The following MYBBP1A variants were observed in gnomAD, a reference collection of about 807,000 sequenced individuals.
MYBBP1A encodes MYB binding protein 1a.
A neutral mutation model predicts 136.3 loss-of-function variants in MYBBP1A; 147 were observed. That is an observed-to-expected ratio of 1.08 (90% confidence interval 0.94 to 1.24). The LOEUF is 1.24. Ranked by LOEUF, MYBBP1A falls within the 50% of genes most tolerant of loss-of-function variation. MYBBP1A has a pLI of 0.00. For missense variants in MYBBP1A, 2,060 were observed against 1,727.4 expected (o/e 1.19, Z -3.41); for synonymous variants, 947 against 735.8 (o/e 1.29, Z -4.65).
At chr17:4,550,379 G>A (rs761118814) in intron 8 of MYBBP1A, 26 bp from the exon 9 acceptor site, 5 of 1,588,962 alleles carry the variant, frequency 3.1e-6, no homozygotes, top group African/African-American at 1.3e-5. Context: ...ATGGCGCTGA[G>A]CCCACCAGCC....
In MYBBP1A at chr17:4,541,446, C is replaced by A; in HGVS notation, c.3297+17G>T. 8 of 1,608,942 alleles carry A rather than the reference C, an allele frequency of 5.0e-6. No individual in the cohort carries two copies. Among genetic ancestry groups the A allele is most frequent in the Non-Finnish European group, 6.8e-6 (8 of 1,177,960 alleles). On this transcript the variant is annotated intron_variant, in intron 24 of 25. Transcript: ENST00000254718. Reference sequence around the variant, plus strand: ...AGAGGAACCCGAACACGACCGCGGACTGGGCCCCCGCCTCACCTCATGTTT... The same window carrying A: ...AGAGGAACCCGAACACGACCGCGGAATGGGCCCCCGCCTCACCTCATGTTT...
In MYBBP1A at chr17:4,552,120, C is replaced by A; in HGVS notation, c.905+5G>T. On this transcript the variant is annotated splice_donor_5th_base_variant and intron_variant, in intron 7 of 25. Transcript: ENST00000254718. This position sits in a 1 kb window ranked among gnomAD's most constrained non-coding sequence, Gnocchi z 4.7. ...GGGCCGAGAGAGGACACGCGTCGCC[C>A]GCACCTGGCTGGCCAGAACTGCATC... 6.2e-7 allele frequency: 1 copy of A among 1,613,020 alleles called. No homozygotes were observed.
At position 4,548,392 on chromosome 17, in the gene MYBBP1A, C is replaced by G; in HGVS notation, c.1557-82G>C. 6.2e-7 allele frequency: 1 copy of G among 1,601,566 alleles called. No homozygotes were observed. The highest frequency in any genetic ancestry group is 8.5e-7 in the Non-Finnish European group (1 of 1,172,476). Reference sequence around the variant, plus strand: ...CCCTCCGCCCTCCCCAGGGCTCGGTCTCCCGCCTCTCCAGGACCTACTAGA... The same window carrying G: ...CCCTCCGCCCTCCCCAGGGCTCGGTGTCCCGCCTCTCCAGGACCTACTAGA... On this transcript the variant is annotated intron_variant, in intron 11 of 25. Coordinates refer to ENST00000254718, the MANE Select transcript of MYBBP1A (RefSeq NM_014520.4). This position sits in a 1 kb window ranked among gnomAD's most constrained non-coding sequence, Gnocchi z 4.2.
chr17:4,554,036 A>G lies in MYBBP1A; in HGVS notation c.436T>C (p.Ser146Pro), dbSNP rs1490224417. The G allele has an allele frequency of 6.2e-7, 1 of 1,614,018 alleles. No individual in the cohort carries two copies. Among genetic ancestry groups the G allele is most frequent in the Admixed American group, 1.7e-5 (1 of 60,016 alleles). ...GCTCTTACCTTCACCAGCCGACCTGACTGAAAGAGGGCGAGCACTCCAAAC... is the reference window on the plus strand; with the variant it reads ...GCTCTTACCTTCACCAGCCGACCTGGCTGAAAGAGGGCGAGCACTCCAAAC... ...NLFGVLALFQ[S>P]GRLVKDQEAL... The change falls in exon 4 of 26, where the codon TCA (serine) becomes CCA (proline). Residue 146 changes from serine (S) to proline (P), a missense_variant. By Grantham distance (74) the Ser-to-Pro change is moderately conservative (BLOSUM62 -1). Transcript: ENST00000254718.
chr17:4,540,250 CGTGTGCAGCAGCGTGTGTGCAGCGTGT>C (rs1028146649), intron 25 of MYBBP1A, 71 bp downstream of exon 25: 35 of 1,428,216 alleles, frequency 2.5e-5, no homozygotes, highest in Non-Finnish European at 2.7e-5. Flanking sequence ...GTGCAGTGTG[CGTGTGCAGCAGCGTGTGTGCAGCGTGT>C]GTGTGTGTGC....
At position 4,541,869 on chromosome 17, in the gene MYBBP1A, G is replaced by A. The variant is rs1906468869; in HGVS notation, c.3110C>T (p.Thr1037Ile). 6.2e-7 allele frequency: 1 copy of A among 1,613,754 alleles called. No homozygotes were observed. The highest frequency in any genetic ancestry group is 1.7e-5 in the Admixed American group (1 of 60,006). The change falls in exon 23 of 26, where the codon ACC (threonine) becomes ATC (isoleucine). Residue 1037 changes from threonine to isoleucine, a missense_variant. By Grantham distance (89) the Thr-to-Ile change is moderately conservative. Coordinates refer to ENST00000254718, the MANE Select transcript of MYBBP1A (RefSeq NM_014520.4). ...CGACCTCACCTCCCGCATGGACAGGGTCTTCTGGAGCAGCAGGCAGGCCTG... is the reference window on the plus strand; with the variant it reads ...CGACCTCACCTCCCGCATGGACAGGATCTTCTGGAGCAGCAGGCAGGCCTG... The part of the protein sequence containing the change: ...RHQACLLLQK[T>I]LSMREVRSCF...
rs56716962 is a variant in MYBBP1A, at chr17:4,548,158, C to A, written c.1709G>T (p.Arg570Leu). The change falls in exon 12 of 26, where the codon CGC becomes CTC. Residue 570 changes from arginine (R) to leucine (L), a missense_variant. Transcript: ENST00000254718. The surrounding 1 kb of genome is among the most constrained non-coding windows in gnomAD (Gnocchi z 4.2). ...TTVTPFTAQQ[R>L]QAWDRMLQTL... Reference sequence around the variant, plus strand: ...ACGTGCTCACCGGTCCCAGGCCTGGCGCTGCTGCGCAGTGAAGGGTGTCAC... The same window carrying A: ...ACGTGCTCACCGGTCCCAGGCCTGGAGCTGCTGCGCAGTGAAGGGTGTCAC... The A allele has an allele frequency of 6.2e-7, 1 of 1,604,940 alleles. No individual in the cohort carries two copies. Among genetic ancestry groups the A allele is most frequent in the Non-Finnish European group, 8.5e-7 (1 of 1,179,954 alleles).
rs1907905798 is a variant in MYBBP1A at position 4,555,044 on chromosome 17, G to A, written c.198+83C>T. ...CTGGCATCCAGGTTCGCGACCACGT[G>A]CCCCCAGTCTCAACTCCCTGGGCCC... is the stretch of plus-strand genomic sequence containing the variant. On this transcript the variant is annotated intron_variant, in intron 1 of 25. Transcript: ENST00000254718. 3.2e-6 allele frequency: 5 copies of A among 1,584,778 alleles called. No individual in the cohort carries two copies. In the South Asian group the frequency reaches 4.5e-5, roughly 14 times the overall value.
intron 9 of MYBBP1A, 118 bp from the exon 10 acceptor site, chr17:4,549,560 C>T (rs1405713561): frequency 1.7e-5 from 14 of 825,832 alleles, no homozygotes; most frequent in East Asian, 1.4e-4. Flanking sequence ...GCCAATCACT[C>T]GAGGTCAGGA....
rs1906445959 is a variant in MYBBP1A, at chr17:4,541,662, T to C, written c.3196-98A>G. The C allele has an allele frequency of 3.4e-6, 5 of 1,454,388 alleles. No homozygotes were observed. The South Asian group carries it at 5.7e-5, about 17-fold the overall frequency. The allele number at this position is 1,454,388 out of a possible 1,614,324, so 90.1% of individuals were successfully genotyped here. On this transcript the variant is annotated intron_variant, in intron 23 of 25. Transcript: ENST00000254718. ...AAGCCCAGAGGCAGGGACCGTCTCCTGGGACAACCCCAGTTCTCCCGACTC... is the reference window on the plus strand; with the variant it reads ...AAGCCCAGAGGCAGGGACCGTCTCCCGGGACAACCCCAGTTCTCCCGACTC...
intron 2 of MYBBP1A, 79 bp downstream of exon 2, chr17:4,554,782 T>TGAGACACCACACCC (rs1479046910): frequency 2.1e-6 from 3 of 1,406,584 alleles, no homozygotes; most frequent in African/African-American, 1.4e-5. Context: ...CCGCCACAGC[T>TGAGACACCACACCC]GAGACACCAC....
At chr17:4,549,952 A>G in intron 9 of MYBBP1A, 106 bp downstream of exon 9, 3 of 1,287,446 alleles carry the variant, frequency 2.3e-6, no homozygotes, top group Non-Finnish European at 3.2e-6. Context: ...CGCTCCTCTC[A>G]TGGTTTAGAG....
rs760743078 is a variant in MYBBP1A at position 4,543,110 on chromosome 17, C to G, written c.2695G>C (p.Ala899Pro). 1 of 1,612,266 alleles carries G rather than the reference C, an allele frequency of 6.2e-7. No homozygotes were observed. The highest frequency in any genetic ancestry group is 8.5e-7 in the Non-Finnish European group (1 of 1,179,468). ...YCHDLGERAG[A>P]LHAQVERLVQ... is the part of the protein sequence containing the mutation. ...AACCGCTCCACCTGGGCGTGCAGGG[C>G]CCCTGCGCGCTCACCCAAGTCGTGG... The change falls in exon 20 of 26, where the codon GCC becomes CCC. Residue 899 changes from alanine (A) to proline (P), a missense_variant. Coordinates refer to ENST00000254718, the MANE Select transcript of MYBBP1A (RefSeq NM_014520.4).
At chr17:4,553,712 T>C in intron 5 of MYBBP1A, 98 bp downstream of exon 5, 1 of 858,514 alleles carries the variant, frequency 1.2e-6, no homozygotes. Flanking sequence ...CATCTTTGTA[T>C]TTCTATGGAA....
In MYBBP1A at chr17:4,546,622, G is replaced by C. The variant is rs144833050; in HGVS notation, c.1825-680C>G. On this transcript the variant is annotated intron_variant, in intron 13 of 25. Transcript: ENST00000254718. ...CCTCCATGCTTGGCTTGGCATGAGA[G>C]ACAGAATTGAAAGTCATTAGTTTTA... 3.2e-3 allele frequency among the ~76,000 whole-genome samples: 490 copies of C among 152,348 alleles called. 6 individuals are homozygous for C. The highest frequency in any genetic ancestry group is 0.011 in the African/African-American group (471 of 41,584).
Position 4,545,894 on chromosome 17 carries a change from T to G in MYBBP1A, c.1873A>C (p.Arg625=). The G allele has an allele frequency of 6.2e-7, 1 of 1,613,370 alleles. No homozygotes were observed. The highest frequency in any genetic ancestry group is 8.5e-7 in the Non-Finnish European group (1 of 1,179,988). Reference sequence around the variant, plus strand: ...CGGGGCTTCTCTCCCAGACTTTTCCTGATGCAGGTCTGGATGTCACCCAGC... The same window carrying G: ...CGGGGCTTCTCTCCCAGACTTTTCCGGATGCAGGTCTGGATGTCACCCAGC... ...DLLGDIQTCI[R]KSLGEKPRRS... Residue 625 remains arginine (R), a synonymous_variant, in exon 14 of 26, where the codon AGG becomes CGG. Transcript: ENST00000254718.
At chr17:4,540,213 A>AGTGCATGTGTGTGCAGCAGC in intron 25 of MYBBP1A, 135 bp downstream of exon 25, 1 of 1,310,216 alleles carries the variant, frequency 7.6e-7, no homozygotes, top group Non-Finnish European at 1.0e-6. Context: ...AATGCGCTTG[A>AGTGCATGTGTGTGCAGCAGC]GTGCATGTGT....
chr17:4,544,673 CACGGGGGTGGGCGCACAGGGAG>C (rs753449250), intron 18 of MYBBP1A, 27 bp from the exon 19 acceptor site: 2 of 1,518,214 alleles, frequency 1.3e-6, no homozygotes, highest in Admixed American at 1.9e-5. Context: ...AGGTCAGCAA[CACGGGGGTGGGCGCACAGGGAG>C]GCGGGGGTGG....
rs749507452 is a variant in MYBBP1A, at chr17:4,552,342, A to G, written c.738-50T>C. The G allele has an allele frequency of 6.8e-6, 11 of 1,609,882 alleles. No homozygotes were observed. Among genetic ancestry groups the G allele is most frequent in the South Asian group, 6.6e-5 (6 of 90,896 alleles). The stretch of plus-strand genomic sequence containing the variant: ...AACACTTGCCTCACAGGCAAGGGCC[A>G]GGGTGACAAGAGCAGCCGGGACACC... On this transcript the variant is annotated intron_variant, in intron 6 of 25. Coordinates refer to ENST00000254718, the MANE Select transcript of MYBBP1A (RefSeq NM_014520.4). The surrounding 1 kb of genome is among the most constrained non-coding windows in gnomAD (Gnocchi z 4.7).
Sources: gnomAD v4.1 joint callset for allele counts (sites outside exome capture counted in the v4.1 genomes callset) on GRCh38, gnomAD v4.1.1 for gene constraint, Gnocchi (gnomAD v3.1) non-coding constraint, MANE v1.5 for transcripts, NCBI Gene and HGNC (gene_info 2026-07-23, HGNC 2026-07-21) for gene names.